SLC25A48: variants seen among roughly 807,000 people sequenced by gnomAD.
The protein encoded by SLC25A48 is solute carrier family 25 member 48.
A neutral mutation model predicts 32.2 loss-of-function variants in SLC25A48; 29 were observed. That is an observed-to-expected ratio of 0.90 (90% CI 0.67 to 1.23). The LOEUF (loss-of-function observed/expected upper bound fraction) is 1.23, where lower values mean the gene tolerates loss of function less well. Among genes scored for constraint, SLC25A48 ranks in the 50% most tolerant of loss-of-function variants. The pLI, the probability that SLC25A48 is intolerant of heterozygous loss-of-function variation, is 0.00. For missense variants in SLC25A48, 399 were observed against 422.7 expected (o/e 0.94, Z 0.49); for synonymous variants, 164 against 172.3 (o/e 0.95, Z 0.38).
intron 1 of SLC25A48, among the ~76,000 whole-genome samples, chr5:135,602,339 G>A (rs1445226064): frequency 6.6e-6 from 1 of 152,202 alleles, no homozygotes; most frequent in Non-Finnish European, 1.5e-5. Context: ...GTGAGACTTT[G>A]CCACAGGTGA....
At chr5:135,790,469 T>C (rs992778936) in intron 3 of SLC25A48, among the ~76,000 whole-genome samples, 1 of 151,858 alleles carries the variant, frequency 6.6e-6, no homozygotes, top group African/African-American at 2.4e-5. Flanking sequence ...TATAATACTA[T>C]AGGGGGATGT....
chr5:135,631,700 C>G (rs17735434), intron 2 of SLC25A48, among the ~76,000 whole-genome samples: 1 of 152,090 alleles, frequency 6.6e-6, no homozygotes, highest in Non-Finnish European at 1.5e-5. Flanking sequence ...CAACTGTAAT[C>G]GCAGAAGAGT....
At chr5:135,602,487 C>G (rs1751820790) in intron 1 of SLC25A48, among the ~76,000 whole-genome samples, 1 of 152,088 alleles carries the variant, frequency 6.6e-6, no homozygotes, top group South Asian at 2.1e-4. Flanking sequence ...GTTAGGGGTT[C>G]TACTAACTAA....
At chr5:135,651,645 C>A (rs888851359) in intron 3 of SLC25A48, among the ~76,000 whole-genome samples, 1 of 152,166 alleles carries the variant, frequency 6.6e-6, no homozygotes, top group African/African-American at 2.4e-5. Flanking sequence ...TTAACTCTTA[C>A]CAGAGTTAAT....
At chr5:135,758,140 A>G (rs902644120) in intron 3 of SLC25A48, among the ~76,000 whole-genome samples, 1 of 150,814 alleles carries the variant, frequency 6.6e-6, no homozygotes, top group Non-Finnish European at 1.5e-5. Flanking sequence ...TATTGTTAAC[A>G]CACGATGATA....
chr5:135,860,749 C>A (rs994507624), intron 4 of SLC25A48, among the ~76,000 whole-genome samples: 4 of 152,144 alleles, frequency 2.6e-5, no homozygotes, highest in African/African-American at 9.7e-5. Context: ...TTCTAGGCAG[C>A]CTTGGGCAGG....
chr5:135,703,787 C>T (rs1025952290), intron 3 of SLC25A48, among the ~76,000 whole-genome samples: 6 of 152,202 alleles, frequency 3.9e-5, no homozygotes, highest in African/African-American at 1.2e-4. Context: ...CCACTGTGTG[C>T]CCAGCACTCA....
At chr5:135,719,721 T>C (rs975180269) in intron 3 of SLC25A48, among the ~76,000 whole-genome samples, 1 of 152,130 alleles carries the variant, frequency 6.6e-6, no homozygotes, top group Non-Finnish European at 1.5e-5. Context: ...GCTGAGGGTA[T>C]GGCCTCTCTC....
chr5:135,864,930 C>T (rs76958023), intron 4 of SLC25A48, among the ~76,000 whole-genome samples: 1,607 of 152,346 alleles, frequency 0.011, 20 homozygotes, highest in African/African-American at 0.034. Context: ...CTGCAGGTCA[C>T]AGCTGCCTGC....
chr5:135,739,927 T>C (rs941135420), intron 3 of SLC25A48, among the ~76,000 whole-genome samples: 1 of 152,134 alleles, frequency 6.6e-6, no homozygotes, highest in African/African-American at 2.4e-5. Flanking sequence ...TGAAAGTGAA[T>C]GATATAAACA....
chr5:135,796,487 G>A (rs545301202), intron 3 of SLC25A48, among the ~76,000 whole-genome samples: 19 of 151,756 alleles, frequency 1.3e-4, no homozygotes, highest in South Asian at 8.3e-4. Flanking sequence ...ACACACCCCT[G>A]TGATATCATT....
intron 3 of SLC25A48, among the ~76,000 whole-genome samples, chr5:135,755,879 T>C (rs1172274047): frequency 6.6e-6 from 1 of 152,078 alleles, no homozygotes; most frequent in African/African-American, 2.4e-5. Context: ...TATCATATCA[T>C]ATTTAGTGTC....
chr5:135,879,081 A>T (rs1762251494), intron 6 of SLC25A48, among the ~76,000 whole-genome samples: 1 of 152,192 alleles, frequency 6.6e-6, no homozygotes, highest in South Asian at 2.1e-4. Context: ...GAAGCATCAC[A>T]TAATACTCCC....
Position 135,865,319 on chromosome 5 carries a change from C to T in SLC25A48, c.422-6142C>T, listed in dbSNP as rs77001463. On this transcript the variant is annotated intron_variant, in intron 4 of 7. Coordinates refer to ENST00000681962, the MANE Select transcript of SLC25A48 (RefSeq NM_001349336.2). ...GAAACAGGAACTAGGTAGGAGCTTC[C>T]CAGCTGGTAATATCCTGGGAAGTGA... is the stretch of plus-strand genomic sequence containing the variant. Among the ~76,000 whole-genome samples, 213 of 152,220 alleles carry T rather than the reference C, an allele frequency of 1.4e-3. 5 individuals are homozygous for T. In the East Asian group the frequency reaches 0.037, roughly 26 times the overall value.
intron 6 of SLC25A48, 111 bp downstream of exon 6, chr5:135,874,265 G>A (rs1761881604): frequency 1.6e-6 from 2 of 1,275,976 alleles, no homozygotes; most frequent in Non-Finnish European, 1.0e-6. Flanking sequence ...GGGGGCTGCT[G>A]GTGATTATGT....
At chr5:135,875,593 G>A (rs1307604602) in intron 6 of SLC25A48, 1 of 152,238 alleles carries the variant, frequency 6.6e-6, no homozygotes, top group East Asian at 1.9e-4. Flanking sequence ...GGCTTCTAGG[G>A]AAAAATGCCT....
chr5:135,768,471 G>T (rs749145968), intron 3 of SLC25A48, among the ~76,000 whole-genome samples: 7 of 151,452 alleles, frequency 4.6e-5, no homozygotes, highest in Non-Finnish European at 1.0e-4. Context: ...ATATCCCAGG[G>T]AGTGTACACC....
chr5:135,700,933 G>A (rs1028160467), intron 3 of SLC25A48, among the ~76,000 whole-genome samples: 4 of 152,180 alleles, frequency 2.6e-5, no homozygotes, highest in African/African-American at 4.8e-5. Flanking sequence ...CTCATAAATC[G>A]CAGAGGGCCT....
rs147059941 is a variant in SLC25A48 at position 135,640,543 on chromosome 5, A to T, written c.-521+5587A>T. Among the ~76,000 whole-genome samples the T allele has an allele frequency of 8.3e-4, 126 of 152,290 alleles. 1 individual carries two copies. Among genetic ancestry groups the T allele is most frequent in the African/African-American group, 2.9e-3 (121 of 41,580 alleles). On this transcript the variant is annotated intron_variant, in intron 3 of 10. Coordinates refer to the SLC25A48 transcript ENST00000646290. ...CCTGACAAAATATTATACAAGAGGA[A>T]ACTAAAGACCAATATCCCTCTGAAC... is the stretch of plus-strand genomic sequence containing the variant.
Sources: allele counts gnomAD v4.1 joint callset (sites outside exome capture counted in the v4.1 genomes callset), GRCh38; gene constraint gnomAD v4.1.1; transcripts MANE v1.5; gene names NCBI Gene and HGNC (gene_info 2026-07-23, HGNC 2026-07-21).